SERTM1: variants seen among roughly 807,000 people sequenced by gnomAD.
SERTM1 encodes serine rich and transmembrane domain containing 1.
SERTM1 carries 1 observed loss-of-function variant against 5.5 expected under a neutral mutation model. The ratio of observed to expected loss-of-function variants is 0.18; its 90% CI spans 0.06 to 0.86. The LOEUF (loss-of-function observed/expected upper bound fraction) is 0.86. Ranked by LOEUF, SERTM1 falls within the 40% of genes least tolerant of loss-of-function variation. SERTM1 has a pLI of 0.69. For synonymous variants in SERTM1, 52 were observed against 55.1 expected (o/e 0.94, Z 0.25); for missense variants, 91 against 122.4 (o/e 0.74, Z 1.21).
Position 36,695,026 on chromosome 13 carries a change from T to C in SERTM1, c.-53T>C. The C allele has an allele frequency of 7.7e-7, 1 of 1,290,480 alleles. No individual in the cohort carries two copies. The highest frequency in any genetic ancestry group is 1.3e-5 in the South Asian group (1 of 75,652). 79.9% of individuals were successfully genotyped at this position (1,290,480 alleles called of 1,614,324 possible). The stretch of plus-strand genomic sequence containing the variant: ...ATGCCAATCTGTCCTGTGTAAGCCC[T>C]GTGTGAAGTTTTGACTTTAATCTAC... On this transcript the variant is annotated 5_prime_UTR_variant, in exon 2 of 2. Coordinates refer to ENST00000315190, the MANE Select transcript of SERTM1 (RefSeq NM_203451.3).
Position 36,695,381 on chromosome 13 carries a change from T to C in SERTM1, c.303T>C (p.Thr101=). The C allele has an allele frequency of 4.3e-6, 7 of 1,613,666 alleles. No individual in the cohort carries two copies. The highest frequency in any genetic ancestry group is 5.9e-6 in the Non-Finnish European group (7 of 1,179,806). Residue 101 remains threonine (T), a synonymous_variant, in exon 2 of 2, where the codon ACT becomes ACC. Transcript: ENST00000315190. ...EVCSISSQRS[T]FSNLSS is the part of the protein sequence containing the mutation. ...GCAGCATTTCCTCTCAGAGGTCCAC[T>C]TTTTCAAACCTTTCATCCTGAGGAA...
intron 1 of SERTM1, among the ~76,000 whole-genome samples, chr13:36,691,432 C>CA (rs2056777677): frequency 6.6e-6 from 1 of 152,126 alleles, no homozygotes; most frequent in African/African-American, 2.4e-5. Context: ...GACTGCACAT[C>CA]CCTCCTTCCT....
chr13:36,695,445 C>A lies in SERTM1; in HGVS notation c.*43C>A. The A allele has an allele frequency of 6.8e-7, 1 of 1,472,738 alleles. No individual in the cohort carries two copies. The highest frequency in any genetic ancestry group is 9.4e-7 in the Non-Finnish European group (1 of 1,062,934). The allele number at this position is 1,472,738 out of a possible 1,614,324, so 91.2% of individuals were successfully genotyped here. On this transcript the variant is annotated 3_prime_UTR_variant, in exon 2 of 2. Transcript: ENST00000315190. ...TTGAGTGTGGCAGCAGTTTTGACAT[C>A]CCCTTACGGAAGTGTCCCGTGAGGC... is the stretch of plus-strand genomic sequence containing the variant.
At position 36,694,892 on chromosome 13, in the gene SERTM1, C is replaced by CTT. The variant is rs955281533; in HGVS notation, c.-173-5_-173-4dup. On this transcript the variant is annotated splice_polypyrimidine_tract_variant and intron_variant, in intron 1 of 1. Coordinates refer to ENST00000315190, the MANE Select transcript of SERTM1 (RefSeq NM_203451.3). ...TTTTTCTGAAGAATGCACTGACTTG[C>CTT]TTTTTTTTTTCAGTCTCAATGCACA... The CTT allele has an allele frequency of 2.2e-5, 11 of 499,316 alleles. No homozygotes were observed. Among genetic ancestry groups the CTT allele is most frequent in the Admixed American group, 7.5e-5 (2 of 26,526 alleles). 30.9% of individuals were successfully genotyped at this position (499,316 alleles called of 1,614,324 possible).
In SERTM1 at chr13:36,692,721, G is replaced by A. The variant is rs561003122; in HGVS notation, c.-173-2185G>A. 1.1e-4 allele frequency among the ~76,000 whole-genome samples: 16 copies of A among 152,244 alleles called. No homozygotes were observed. The South Asian group carries it at 3.3e-3, about 32-fold the overall frequency. On this transcript the variant is annotated intron_variant, in intron 1 of 1. Coordinates refer to ENST00000315190, the MANE Select transcript of SERTM1 (RefSeq NM_203451.3). ...GTGCAAATGAGAAAAATAAAAGATC[G>A]GGACTAAACTGTGGGCTTGCCCAAA...
chr13:36,693,370 C>G (rs369653810), intron 1 of SERTM1, among the ~76,000 whole-genome samples: 2 of 151,812 alleles, frequency 1.3e-5, no homozygotes, highest in African/African-American at 2.4e-5. Flanking sequence ...CATTTGCAGT[C>G]CCACTGCGAT....
chr13:36,689,506 A>AAATAAT (rs3052684), intron 1 of SERTM1, among the ~76,000 whole-genome samples: 1,758 of 141,992 alleles, frequency 0.012, 17 homozygotes, highest in Middle Eastern at 0.018. Context: ...CTCTGTCTCA[A>AAATAAT]AATAATAATA....
chr13:36,675,335 G>A lies in SERTM1; in HGVS notation c.-174+1151G>A, dbSNP rs2056663031. 2.0e-5 allele frequency among the ~76,000 whole-genome samples: 3 copies of A among 152,220 alleles called. No individual in the cohort carries two copies. In the South Asian group the frequency reaches 6.2e-4, roughly 32 times the overall value. ...GGGCGGGGAAACTGACAGCGTTACT[G>A]TCCTGGGGCGGACCCGCGGGACTAC... On this transcript the variant is annotated intron_variant, in intron 1 of 1. Coordinates refer to ENST00000315190, the MANE Select transcript of SERTM1 (RefSeq NM_203451.3).
chr13:36,679,836 T>G (rs1469726234), intron 1 of SERTM1, among the ~76,000 whole-genome samples: 1 of 152,212 alleles, frequency 6.6e-6, no homozygotes, highest in African/African-American at 2.4e-5. Flanking sequence ...CAGTCAGGAA[T>G]TATGGTGATA....
At chr13:36,675,520 A>G (rs1566225105) in intron 1 of SERTM1, among the ~76,000 whole-genome samples, 1 of 152,068 alleles carries the variant, frequency 6.6e-6, no homozygotes, top group Admixed American at 6.5e-5. Context: ...CCCTCTGAAA[A>G]AAACAATATT....
chr13:36,674,562 T>G (rs2056658205), intron 1 of SERTM1, among the ~76,000 whole-genome samples: 1 of 152,106 alleles, frequency 6.6e-6, no homozygotes, highest in Non-Finnish European at 1.5e-5. Flanking sequence ...GATTCCTCCA[T>G]GCAAGTGTAG....
At chr13:36,692,872 C>T (rs1440267494) in intron 1 of SERTM1, among the ~76,000 whole-genome samples, 2 of 152,152 alleles carry the variant, frequency 1.3e-5, no homozygotes, top group African/African-American at 4.8e-5. Context: ...TAGCTATGTA[C>T]CCTGAGTAAA....
chr13:36,687,159 T>A (rs1432231601), intron 1 of SERTM1, among the ~76,000 whole-genome samples: 2 of 152,210 alleles, frequency 1.3e-5, no homozygotes, highest in African/African-American at 4.8e-5. Flanking sequence ...TATCTGTAGT[T>A]GTGTTATGAG....
At chr13:36,691,007 G>A (rs529607846) in intron 1 of SERTM1, among the ~76,000 whole-genome samples, 21 of 152,294 alleles carry the variant, frequency 1.4e-4, no homozygotes, top group African/African-American at 4.6e-4. Context: ...TCAAATAGTC[G>A]TTATTCACAT....
intron 1 of SERTM1, among the ~76,000 whole-genome samples, chr13:36,680,775 A>ACGGAGTCT (rs2056699965): frequency 1.3e-5 from 2 of 152,092 alleles, no homozygotes; most frequent in Non-Finnish European, 2.9e-5. Context: ...TGGTTTTGAG[A>ACGGAGTCT]CGGAGTCTCG....
intron 1 of SERTM1, among the ~76,000 whole-genome samples, chr13:36,677,418 A>G (rs2056677220): frequency 1.3e-5 from 2 of 152,186 alleles, no homozygotes; most frequent in South Asian, 2.1e-4. Context: ...ATTAAGCTAT[A>G]TTAAGACAGG....
chr13:36,689,242 A>C (rs1029764428), intron 1 of SERTM1, among the ~76,000 whole-genome samples: 1 of 152,170 alleles, frequency 6.6e-6, no homozygotes, highest in Non-Finnish European at 1.5e-5. Context: ...GTGGTGGCTC[A>C]TGCCTGTAAT....
rs143034597 is a variant in SERTM1 at position 36,692,444 on chromosome 13, T to TA, written c.-173-2462_-173-2461insA. On this transcript the variant is annotated intron_variant, in intron 1 of 1. Coordinates refer to ENST00000315190, the MANE Select transcript of SERTM1 (RefSeq NM_203451.3). ...TTGCCTGTGCCTCCAGCACCATCCCTGAAAATGATACAGACTTGGGTAGCA... is the reference window on the plus strand; with the variant it reads ...TTGCCTGTGCCTCCAGCACCATCCCTAGAAAATGATACAGACTTGGGTAGCA... 4.3e-3 allele frequency among the ~76,000 whole-genome samples: 651 copies of TA among 152,294 alleles called. 5 individuals carry two copies. Among genetic ancestry groups the TA allele is most frequent in the African/African-American group, 0.015 (628 of 41,560 alleles).
In SERTM1 at chr13:36,679,051, A is replaced by G. The variant is rs140538160; in HGVS notation, c.-174+4867A>G. ...AGAATTTTATTAGCAGTTAACATTC[A>G]TATAGAAAAGTACACAGATCATAAA... On this transcript the variant is annotated intron_variant, in intron 1 of 1. Transcript: ENST00000315190. 9.8e-4 allele frequency among the ~76,000 whole-genome samples: 149 copies of G among 152,310 alleles called. 1 individual carries two copies. Among genetic ancestry groups the G allele is most frequent in the African/African-American group, 3.4e-3 (142 of 41,554 alleles).
Sources: gnomAD v4.1 joint callset for allele counts (sites outside exome capture counted in the v4.1 genomes callset) on GRCh38, gnomAD v4.1.1 for gene constraint, MANE v1.5 for transcripts, NCBI Gene and HGNC (gene_info 2026-07-23, HGNC 2026-07-21) for gene names.